Variants in MYOG observed in about 807,000 individuals in gnomAD.
MYOG encodes class C basic helix-loop-helix protein 3.
MYOG carries 6 observed loss-of-function variants against 17.7 expected under a neutral mutation model. That is an observed-to-expected ratio of 0.34 (90% CI 0.19 to 0.67). The LOEUF (loss-of-function observed/expected upper bound fraction) is 0.67. Among genes scored for constraint, MYOG ranks in the 30% least tolerant of loss-of-function variants. MYOG has a pLI of 0.69. For synonymous variants in MYOG, 125 were observed against 130.2 expected (o/e 0.96, Z 0.27); for missense variants, 272 against 302.0 (o/e 0.90, Z 0.74).
rs71142588 is a variant in MYOG at position 203,083,183 on chromosome 1, C to CAAAAAAA, written c.*720_*726dup. The CAAAAAAA allele has an allele frequency of 2.1e-4, 21 of 99,284 alleles. 1 individual carries two copies. The highest frequency in any genetic ancestry group is 3.7e-4 in the Non-Finnish European group (18 of 48,456). 6.2% of individuals were successfully genotyped at this position (99,284 alleles called of 1,614,324 possible). Reference sequence around the variant, plus strand: ...AAAAAAGGAAATCCAAATAAGTTAGCAAAAAAAAAAAAAAAAAAAAAAAAT... The same window carrying CAAAAAAA: ...AAAAAAGGAAATCCAAATAAGTTAGCAAAAAAAAAAAAAAAAAAAAAAAAAAAAAAAT... On this transcript the variant is annotated 3_prime_UTR_variant, in exon 3 of 3. Transcript: ENST00000241651.
In MYOG at chr1:203,084,756, C is replaced by T. The variant is rs187320249; in HGVS notation, c.472-28G>A. Reference sequence around the variant, plus strand: ...GCAAGACAGGGCGAAGGCCCAAGGTCGGGGCACAGCCATTCTTTGATGTCT... The same window carrying T: ...GCAAGACAGGGCGAAGGCCCAAGGTTGGGGCACAGCCATTCTTTGATGTCT... On this transcript the variant is annotated intron_variant, in intron 1 of 2. Transcript: ENST00000241651. The T allele has an allele frequency of 3.8e-4, 601 of 1,577,350 alleles. 1 individual carries two copies. The African/African-American group carries it at 5.1e-3, about 13-fold the overall frequency.
rs1653552861 is a variant in MYOG at position 203,083,819 on chromosome 1, C to T, written c.*91G>A. On this transcript the variant is annotated 3_prime_UTR_variant, in exon 3 of 3. Coordinates refer to ENST00000241651, the MANE Select transcript of MYOG (RefSeq NM_002479.6). ...CAGAGCTGGCTTCCTAGCATCAGGG[C>T]AGCCTGGCTTAGGAGGCCCCTGCTA... 1.3e-6 allele frequency: 2 copies of T among 1,529,886 alleles called. No individual in the cohort carries two copies. The highest frequency in any genetic ancestry group is 2.0e-5 in the Admixed American group (1 of 50,418). The allele number at this position is 1,529,886 out of a possible 1,614,324, so 94.8% of individuals were successfully genotyped here.
rs753002201 is a variant in MYOG, at chr1:203,085,762, G to C, written c.200C>G (p.Pro67Arg). 1.2e-6 allele frequency: 2 copies of C among 1,613,906 alleles called. No individual in the cohort carries two copies. The highest frequency in any genetic ancestry group is 1.7e-6 in the Non-Finnish European group (2 of 1,179,986). The change falls in exon 1 of 3, where the codon CCG (proline) becomes CGG (arginine). Residue 67 changes from proline (P) to arginine (R), a missense_variant. Pro to Arg is a moderately radical substitution (Grantham distance 103). Transcript: ENST00000241651. ...CCTCTTACACACCTTACACGCCCAC[G>C]GCAGGCACTGGCCTGGACAGTGCTC... ...TPEHCPGQCL[P>R]WACKVCKRKS...
rs1237948645 is a variant in MYOG at position 203,085,748 on chromosome 1, C to T, written c.214G>A (p.Val72Met). ...PGQCLPWACK[V>M]CKRKSVSVDR... ...ACGGACACCGACTTCCTCTTACACA[C>T]CTTACACGCCCACGGCAGGCACTGG... The change falls in exon 1 of 3, where the codon GTG becomes ATG. Residue 72 changes from valine to methionine, a missense_variant. Coordinates refer to ENST00000241651, the MANE Select transcript of MYOG (RefSeq NM_002479.6). 1.2e-6 allele frequency: 2 copies of T among 1,614,000 alleles called. No homozygotes were observed. The highest frequency in any genetic ancestry group is 2.2e-5 in the East Asian group (1 of 44,870).
chr1:203,084,195 A>AGAGTGTGTGTGTGTGTGTGTGT, intron 2 of MYOG, among the ~76,000 whole-genome samples, 164 bp from the exon 3 acceptor site: 1 of 135,414 alleles, frequency 7.4e-6, no homozygotes, highest in Non-Finnish European at 1.6e-5. Flanking sequence ...ATGCTCTGTG[A>AGAGTGTGTGTGTGTGTGTGTGT]GTGTGTGTGT....
Position 203,085,761 on chromosome 1 carries a change from C to T in MYOG, c.201G>A (p.Pro67=), listed in dbSNP as rs779230817. Reference sequence around the variant, plus strand: ...TCCTCTTACACACCTTACACGCCCACGGCAGGCACTGGCCTGGACAGTGCT... The same window carrying T: ...TCCTCTTACACACCTTACACGCCCATGGCAGGCACTGGCCTGGACAGTGCT... The part of the protein sequence containing the change: ...TPEHCPGQCL[P]WACKVCKRKS... Residue 67 remains proline (P), a synonymous_variant, in exon 1 of 3, where the codon CCG becomes CCA. Transcript: ENST00000241651. The T allele has an allele frequency of 7.1e-5, 114 of 1,613,976 alleles. No homozygotes were observed. In the Admixed American group the frequency reaches 7.8e-4, roughly 11 times the overall value.
intron 2 of MYOG, among the ~76,000 whole-genome samples, 164 bp from the exon 3 acceptor site, chr1:203,084,195 A>AGAGT (rs1553263706): frequency 1.5e-5 from 2 of 135,414 alleles, no homozygotes; most frequent in Non-Finnish European, 3.1e-5. Flanking sequence ...ATGCTCTGTG[A>AGAGT]GTGTGTGTGT....
intron 1 of MYOG, 131 bp downstream of exon 1, chr1:203,085,360 G>T: frequency 1.2e-6 from 1 of 810,638 alleles, no homozygotes; most frequent in Non-Finnish European, 1.9e-6. Flanking sequence ...CCAGGGAAGG[G>T]CTCCTGCAGC....
chr1:203,083,786 T>C lies in MYOG; in HGVS notation c.*124A>G. On this transcript the variant is annotated 3_prime_UTR_variant, in exon 3 of 3. Coordinates refer to ENST00000241651, the MANE Select transcript of MYOG (RefSeq NM_002479.6). Reference sequence around the variant, plus strand: ...ATGAGGAAGGGGATAGTCTGGCCTATGGCACCCCAGAGCTGGCTTCCTAGC... The same window carrying C: ...ATGAGGAAGGGGATAGTCTGGCCTACGGCACCCCAGAGCTGGCTTCCTAGC... 1.4e-6 allele frequency: 2 copies of C among 1,423,912 alleles called. No individual in the cohort carries two copies. The highest frequency in any genetic ancestry group is 1.9e-6 in the Non-Finnish European group (2 of 1,048,362). The allele number at this position is 1,423,912 out of a possible 1,614,324, so 88.2% of individuals were successfully genotyped here.
In MYOG at chr1:203,085,985, G is replaced by T; in HGVS notation, c.-24C>A. On this transcript the variant is annotated 5_prime_UTR_variant, in exon 1 of 3. Transcript: ENST00000241651. ...ATGGGGTCGGAAAAGGCTTGTTCCT[G>T]CCACCAGCCCCCAAGCTCCAGCAGC... 6.7e-7 allele frequency: 1 copy of T among 1,494,292 alleles called. No homozygotes were observed. Among genetic ancestry groups the T allele is most frequent in the South Asian group, 1.3e-5 (1 of 75,274 alleles). The allele number at this position is 1,494,292 out of a possible 1,614,324, so 92.6% of individuals were successfully genotyped here.
Position 203,085,465 on chromosome 1 carries a change from G to A in MYOG, c.471+26C>T, listed in dbSNP as rs775784667. 2.5e-6 allele frequency: 4 copies of A among 1,590,418 alleles called. No individual in the cohort carries two copies. In the African/African-American group the frequency reaches 5.4e-5, roughly 21 times the overall value. The stretch of plus-strand genomic sequence containing the variant: ...CCTCCCTCTGGCCCCGTCCCCTTGG[G>A]GCAGGGGGATGGGATGGCCACTTAC... On this transcript the variant is annotated intron_variant, in intron 1 of 2. Coordinates refer to ENST00000241651, the MANE Select transcript of MYOG (RefSeq NM_002479.6).
At chr1:203,085,320 C>T (rs1423818631) in intron 1 of MYOG, among the ~76,000 whole-genome samples, 171 bp downstream of exon 1, 3 of 152,218 alleles carry the variant, frequency 2.0e-5, no homozygotes, top group Non-Finnish European at 4.4e-5. Flanking sequence ...ACACAGGACA[C>T]AGGAGGTCAG....
chr1:203,083,977 G>C lies in MYOG; in HGVS notation c.608C>G (p.Ser203Cys), dbSNP rs1653557995. ...TDAHNLHSLT[S>C]IVDSITVEDV... ...TTCCACTGTGATGCTGTCCACGATG[G>C]AGGTGAGGGAGTGCAGGTTGTGGGC... is the stretch of plus-strand genomic sequence containing the variant. The change falls in exon 3 of 3, where the codon TCC becomes TGC. Residue 203 changes from serine to cysteine, a missense_variant. Coordinates refer to ENST00000241651, the MANE Select transcript of MYOG (RefSeq NM_002479.6). The C allele has an allele frequency of 1.3e-6, 2 of 1,593,692 alleles. No homozygotes were observed. The highest frequency in any genetic ancestry group is 1.3e-5 in the African/African-American group (1 of 74,910).
At chr1:203,084,874 C>T in intron 1 of MYOG, 146 bp from the exon 2 acceptor site, 1 of 755,208 alleles carries the variant, frequency 1.3e-6, no homozygotes, top group Non-Finnish European at 2.2e-6. Flanking sequence ...CATCCCCAAC[C>T]CCAGAATCTT....
chr1:203,084,035 TA>T lies in MYOG; in HGVS notation c.554-5del. On this transcript the variant is annotated splice_polypyrimidine_tract_variant and splice_region_variant and intron_variant, in intron 2 of 2. Transcript: ENST00000241651. Reference sequence around the variant, plus strand: ...GGGTCAGCCGTGAGCAGATGATCTGTAAGGGGAGGTGGGAAGGTGGTACCTG... The same window carrying T: ...GGGTCAGCCGTGAGCAGATGATCTGTAGGGGAGGTGGGAAGGTGGTACCTG... 1 of 1,595,442 alleles carries T rather than the reference TA, an allele frequency of 6.3e-7. No individual in the cohort carries two copies. The highest frequency in any genetic ancestry group is 8.5e-7 in the Non-Finnish European group (1 of 1,170,680).
chr1:203,084,190 CTGTGAGTG>C lies in MYOG; in HGVS notation c.554-167_554-160del, dbSNP rs200916717. Among the ~76,000 whole-genome samples, 151 of 73,940 alleles carry C rather than the reference CTGTGAGTG, an allele frequency of 2.0e-3. 1 individual carries two copies. The highest frequency in any genetic ancestry group is 7.2e-3 in the African/African-American group (146 of 20,204). 48.5% of individuals were successfully genotyped at this position (73,940 alleles called of 152,430 possible). On this transcript the variant is annotated intron_variant, in intron 2 of 2. Coordinates refer to ENST00000241651, the MANE Select transcript of MYOG (RefSeq NM_002479.6). ...CCTAGTCCCTGCCTTTCCCCATGCT[CTGTGAGTG>C]TGTGTGTGTGTGTGTGTGTGTGTGT...
intron 1 of MYOG, 89 bp from the exon 2 acceptor site, chr1:203,084,817 G>T: frequency 7.3e-7 from 1 of 1,362,638 alleles, no homozygotes; most frequent in South Asian, 1.3e-5. Context: ...AAGTACCTGT[G>T]GTGGGGTTGG....
Position 203,085,755 on chromosome 1 carries a change from C to T in MYOG, c.207G>A (p.Ala69=), listed in dbSNP as rs147554078. 3.0e-5 allele frequency: 49 copies of T among 1,613,980 alleles called. No homozygotes were observed. Among genetic ancestry groups the T allele is most frequent in the Admixed American group, 2.5e-4 (15 of 60,010 alleles). Reference sequence around the variant, plus strand: ...CCGACTTCCTCTTACACACCTTACACGCCCACGGCAGGCACTGGCCTGGAC... The same window carrying T: ...CCGACTTCCTCTTACACACCTTACATGCCCACGGCAGGCACTGGCCTGGAC... ...EHCPGQCLPW[A]CKVCKRKSVS... The change falls in exon 1 of 3, where the codon GCG becomes GCA. Residue 69 remains alanine, a synonymous_variant. Transcript: ENST00000241651.
rs1415766728 is a variant in MYOG at position 203,083,180 on chromosome 1, TAGCAAAA to T, written c.*723_*729del. On this transcript the variant is annotated 3_prime_UTR_variant, in exon 3 of 3. Coordinates refer to ENST00000241651, the MANE Select transcript of MYOG (RefSeq NM_002479.6). ...TTTAAAAAAGGAAATCCAAATAAGT[TAGCAAAA>T]AAAAAAAAAAAAAAAAAAAATACAA... 4.0e-5 allele frequency: 1 copy of T among 24,916 alleles called. No homozygotes were observed. The highest frequency in any genetic ancestry group is 1.4e-4 in the African/African-American group (1 of 6,904). 1.5% of individuals were successfully genotyped at this position (24,916 alleles called of 1,614,324 possible). A position where few individuals can be genotyped will look rare whatever the true frequency, so the allele number is the denominator to read the frequency against.
Sources: allele counts gnomAD v4.1 joint callset (sites outside exome capture counted in the v4.1 genomes callset), GRCh38; gene constraint gnomAD v4.1.1; transcripts MANE v1.5; gene names NCBI Gene and HGNC (gene_info 2026-07-23, HGNC 2026-07-21).